The following ITGA9 variants were observed in gnomAD, a reference collection of about 807,000 sequenced individuals.
The protein encoded by ITGA9 is integrin subunit alpha 9, also known as integrin alpha-9.
A neutral mutation model predicts 127.8 loss-of-function variants in ITGA9; 56 were observed. The ratio of observed to expected loss-of-function variants is 0.44; its 90% CI spans 0.35 to 0.55. The LOEUF is 0.55. Among genes scored for constraint, ITGA9 ranks in the 20% least tolerant of loss-of-function variants. The probability of loss-of-function intolerance (pLI) is 0.00; values close to 1 mark genes in which losing one functional copy is unlikely to be tolerated. For missense variants in ITGA9, 1,196 were observed against 1,347.1 expected (o/e 0.89, Z 1.76); for synonymous variants, 508 against 514.5 (o/e 0.99, Z 0.17).
At chr3:37,787,591 T>C (rs184452234) in intron 26 of ITGA9, among the ~76,000 whole-genome samples, 8 of 152,218 alleles carry the variant, frequency 5.3e-5, no homozygotes, top group East Asian at 1.9e-4. Context: ...TGAGCTACAA[T>C]GAAGTTCTAC....
chr3:37,686,078 T>A (rs1378408193), intron 18 of ITGA9, among the ~76,000 whole-genome samples: 1 of 152,244 alleles, frequency 6.6e-6, no homozygotes, highest in East Asian at 1.9e-4. Flanking sequence ...TTAGTACCAG[T>A]AAATGATCAT....
chr3:37,653,361 A>G (rs1168532782), intron 16 of ITGA9, among the ~76,000 whole-genome samples: 1 of 152,202 alleles, frequency 6.6e-6, no homozygotes, highest in Non-Finnish European at 1.5e-5. Flanking sequence ...CAACTGGATT[A>G]TCATTCATCT....
At chr3:37,510,024 C>CTTTT (rs5848025) in intron 8 of ITGA9, among the ~76,000 whole-genome samples, 1 of 136,268 alleles carries the variant, frequency 7.3e-6, no homozygotes, top group Non-Finnish European at 1.6e-5. Context: ...TAAAGGATTC[C>CTTTT]TTTTTTTTTT....
intron 3 of ITGA9, among the ~76,000 whole-genome samples, chr3:37,480,191 C>A (rs1698537988): frequency 6.6e-6 from 1 of 151,782 alleles, no homozygotes; most frequent in East Asian, 1.9e-4. Flanking sequence ...TGCACGGGAA[C>A]TGGGGCCACT....
intron 5 of ITGA9, among the ~76,000 whole-genome samples, chr3:37,497,067 T>C (rs1045798628): frequency 4.6e-5 from 7 of 152,268 alleles, no homozygotes; most frequent in Non-Finnish European, 1.0e-4. Context: ...ATTAATGTCA[T>C]TTAATATCCT....
intron 5 of ITGA9, among the ~76,000 whole-genome samples, 164 bp downstream of exon 5, chr3:37,494,732 C>T (rs1030730480): frequency 6.6e-6 from 1 of 152,130 alleles, no homozygotes; most frequent in Non-Finnish European, 1.5e-5. Flanking sequence ...TTTCTACCTG[C>T]CCGGAGGGCA....
intron 18 of ITGA9, among the ~76,000 whole-genome samples, chr3:37,708,859 G>C (rs1050557389): frequency 1.3e-5 from 2 of 152,202 alleles, no homozygotes; most frequent in Non-Finnish European, 2.9e-5. Context: ...GTATGAATAC[G>C]TCAAGCCACT....
chr3:37,771,774 CA>C (rs1696846667), intron 23 of ITGA9, among the ~76,000 whole-genome samples: 1 of 152,268 alleles, frequency 6.6e-6, no homozygotes, highest in Non-Finnish European at 1.5e-5. Context: ...AGTCAGCAGG[CA>C]CTTTTGTCTC....
chr3:37,769,129 A>G, intron 23 of ITGA9, among the ~76,000 whole-genome samples: 1 of 152,086 alleles, frequency 6.6e-6, no homozygotes, highest in East Asian at 1.9e-4. Context: ...ATCTGAGGTC[A>G]GGAGTTTGAG....
In ITGA9 at chr3:37,653,730, ATTGCCG is replaced by A; in HGVS notation, c.1859_1864del (p.Cys620_Arg621del). ...TTCTCACAGACTGTTTTTGAAAGGA[ATTGCCG>A]TTCAGAGGACTGTGCCGCAGACCTG... On this transcript the variant is annotated inframe_deletion, in exon 17 of 28. Coordinates refer to ENST00000264741, the MANE Select transcript of ITGA9 (RefSeq NM_002207.3). 1 of 1,613,722 alleles carries A rather than the reference ATTGCCG, an allele frequency of 6.2e-7. No homozygotes were observed. The highest frequency in any genetic ancestry group is 1.3e-5 in the African/African-American group (1 of 74,990).
intron 23 of ITGA9, among the ~76,000 whole-genome samples, chr3:37,753,462 C>T (rs1444381294): frequency 6.6e-6 from 1 of 152,262 alleles, no homozygotes; most frequent in East Asian, 1.9e-4. Context: ...TCTAGTTCAC[C>T]AAGAGAACAG....
In ITGA9 at chr3:37,542,556, A is replaced by G. The variant is rs762214188; in HGVS notation, c.1660A>G (p.Thr554Ala). 4 of 1,613,898 alleles carry G rather than the reference A, an allele frequency of 2.5e-6. 1 individual carries two copies. The South Asian group carries it at 4.4e-5, about 18-fold the overall frequency. The part of the protein sequence containing the change: ...EKLQLTYMEE[T>A]CRHYVAHVKR... ...GCTGCAGCTGACTTACATGGAGGAG[A>G]CGTGTCGTCACTATGTGGCCCATGT... The change falls in exon 15 of 28, where the codon ACG becomes GCG. Residue 554 changes from threonine (T) to alanine (A), a missense_variant. Physicochemically the swap from Thr to Ala is moderately conservative, Grantham distance 58. Transcript: ENST00000264741.
At chr3:37,789,789 A>G (rs1240335186) in intron 26 of ITGA9, 4 of 254,170 alleles carry the variant, frequency 1.6e-5, no homozygotes, top group South Asian at 8.7e-5. Flanking sequence ...AAAAAAAAAA[A>G]AAAAAGACTA....
chr3:37,813,413 C>A (rs1019197151), intron 27 of ITGA9, among the ~76,000 whole-genome samples: 5 of 152,078 alleles, frequency 3.3e-5, no homozygotes, highest in African/African-American at 4.8e-5. Flanking sequence ...TATCTTTAGC[C>A]ATTATCTTTA....
intron 23 of ITGA9, among the ~76,000 whole-genome samples, chr3:37,763,342 T>C (rs1463652333): frequency 1.3e-5 from 2 of 152,214 alleles, no homozygotes; most frequent in Non-Finnish European, 2.9e-5. Context: ...GAGTTTGCAA[T>C]GAGAATTTCT....
intron 15 of ITGA9, among the ~76,000 whole-genome samples, chr3:37,564,471 A>G (rs978294882): frequency 3.9e-5 from 6 of 152,136 alleles, no homozygotes; most frequent in Admixed American, 3.3e-4. Flanking sequence ...CTCCTACACT[A>G]TGGAAGACTT....
intron 1 of ITGA9, among the ~76,000 whole-genome samples, chr3:37,468,338 C>T (rs1698393757): frequency 6.6e-6 from 1 of 152,090 alleles, no homozygotes; most frequent in African/African-American, 2.4e-5. Flanking sequence ...AGGGGTGGGT[C>T]TCCCTGGCTC....
At chr3:37,564,200 G>A (rs900185278) in intron 15 of ITGA9, among the ~76,000 whole-genome samples, 5 of 152,176 alleles carry the variant, frequency 3.3e-5, no homozygotes, top group African/African-American at 1.2e-4. Flanking sequence ...ATATAGATTA[G>A]TTTTCTATGA....
chr3:37,685,127 G>A (rs1336036963), intron 18 of ITGA9, among the ~76,000 whole-genome samples: 1 of 152,184 alleles, frequency 6.6e-6, no homozygotes, highest in Non-Finnish European at 1.5e-5. Context: ...ATCACTTTCT[G>A]TGGAAAACCT....
Sources: allele counts gnomAD v4.1 joint callset (sites outside exome capture counted in the v4.1 genomes callset), GRCh38; gene constraint gnomAD v4.1.1; transcripts MANE v1.5; gene names NCBI Gene and HGNC (gene_info 2026-07-23, HGNC 2026-07-21).